The following MICAL2 variants were observed in gnomAD, a reference collection of about 807,000 sequenced individuals.
MICAL2 encodes the protein microtubule associated monooxygenase, calponin and LIM domain containing 2.
MICAL2 carries 77 observed loss-of-function variants against 127.3 expected under a neutral mutation model. The observed-to-expected ratio is 0.60, with a 90% confidence interval of 0.50 to 0.73. The LOEUF (loss-of-function observed/expected upper bound fraction) is 0.73. Ranked by LOEUF, MICAL2 falls within the 30% of genes least tolerant of loss-of-function variation. The pLI, the probability that MICAL2 is intolerant of heterozygous loss-of-function variation, is 0.00. For synonymous variants in MICAL2, 570 were observed against 551.1 expected (o/e 1.03, Z -0.48); for missense variants, 1,351 against 1,434.4 (o/e 0.94, Z 0.94).
chr11:12,311,938 ATTTC>A (rs375195056), intron 29 of MICAL2, among the ~76,000 whole-genome samples: 2 of 151,890 alleles, frequency 1.3e-5, no homozygotes, highest in African/African-American at 4.8e-5. Context: ...CACATTTTCT[ATTTC>A]TTCTTGTGTT....
chr11:12,209,195 G>T (rs1195514957), intron 5 of MICAL2, among the ~76,000 whole-genome samples: 1 of 152,226 alleles, frequency 6.6e-6, no homozygotes, highest in African/African-American at 2.4e-5. Context: ...TGTTGAGAAT[G>T]ATAAGATGCA....
intron 13 of MICAL2, among the ~76,000 whole-genome samples, chr11:12,225,083 C>G (rs187477247): frequency 2.6e-4 from 38 of 144,240 alleles, no homozygotes; most frequent in Non-Finnish European, 4.3e-4. Flanking sequence ...CCTTCCCCCC[C>G]GAGCCCCATC....
At chr11:12,347,438 T>TC (rs956519110) in intron 32 of MICAL2, among the ~76,000 whole-genome samples, 1 of 152,204 alleles carries the variant, frequency 6.6e-6, no homozygotes, top group Non-Finnish European at 1.5e-5. Context: ...TCACTGTATC[T>TC]CCAGTACCTA....
At chr11:12,204,569 AC>A in intron 4 of MICAL2, 112 bp downstream of exon 4, 1 of 1,039,714 alleles carries the variant, frequency 9.6e-7, no homozygotes, top group Non-Finnish European at 1.4e-6. Context: ...CCCTGGGGGC[AC>A]CATATATCAG....
rs35521222 is a variant in MICAL2, at chr11:12,195,705, CTTT to C, written c.265-8532_265-8530del. 3.7e-3 allele frequency among the ~76,000 whole-genome samples: 538 copies of C among 144,596 alleles called. 3 individuals are homozygous for C. Among genetic ancestry groups the C allele is most frequent in the African/African-American group, 4.3e-3 (172 of 39,856 alleles). 94.9% of individuals were successfully genotyped at this position (144,596 alleles called of 152,430 possible). On this transcript the variant is annotated intron_variant, in intron 3 of 27. Coordinates refer to ENST00000683283, the MANE Select transcript of MICAL2 (RefSeq NM_001282663.2). ...CCCGTGTATTTTCTGCAATAGATTT[CTTT>C]TTTTTTTTTTTTGTATTAGAAAATA...
At chr11:12,247,939 T>C (rs1248646061) in intron 21 of MICAL2, among the ~76,000 whole-genome samples, 1 of 152,184 alleles carries the variant, frequency 6.6e-6, no homozygotes, top group African/African-American at 2.4e-5. Context: ...AAAAATGCAC[T>C]TGGAAACTGA....
At chr11:12,302,244 G>A (rs1864055750) in intron 29 of MICAL2, among the ~76,000 whole-genome samples, 1 of 152,190 alleles carries the variant, frequency 6.6e-6, no homozygotes, top group Admixed American at 6.5e-5. Context: ...GCCTGGCTCG[G>A]GTTTGGTTAA....
intron 6 of MICAL2, among the ~76,000 whole-genome samples, chr11:12,212,463 C>T (rs1019913624): frequency 1.9e-4 from 29 of 152,126 alleles, no homozygotes; most frequent in African/African-American, 6.8e-4. Flanking sequence ...GGCAACAGAG[C>T]GAGACCCTGT....
At chr11:12,241,774 G>T (rs549796805) in intron 18 of MICAL2, among the ~76,000 whole-genome samples, 1 of 152,340 alleles carries the variant, frequency 6.6e-6, no homozygotes, top group Admixed American at 6.5e-5. Context: ...AGGTGGTGGA[G>T]GTTGAGTAAG....
At chr11:12,251,560 G>A (rs773742838) in intron 22 of MICAL2, among the ~76,000 whole-genome samples, 2 of 143,496 alleles carry the variant, frequency 1.4e-5, no homozygotes, top group African/African-American at 2.6e-5. Flanking sequence ...TTCCTTAAGG[G>A]TGCTTCCATT....
chr11:12,254,500 G>C (rs1398131858), intron 22 of MICAL2: 1 of 152,444 alleles, frequency 6.6e-6, no homozygotes, highest in African/African-American at 2.4e-5. Context: ...CTACCTTTCT[G>C]TCTGAGGGGG....
At chr11:12,269,111 C>G (rs1187376698) in intron 24 of MICAL2, among the ~76,000 whole-genome samples, 2 of 152,224 alleles carry the variant, frequency 1.3e-5, no homozygotes, top group Non-Finnish European at 2.9e-5. Flanking sequence ...CTGGCTGTGA[C>G]TCCCTTGGGG....
chr11:12,190,802 A>G (rs1858993770), intron 3 of MICAL2, among the ~76,000 whole-genome samples: 1 of 152,216 alleles, frequency 6.6e-6, no homozygotes, highest in Admixed American at 6.5e-5. Context: ...TTTACCAGAT[A>G]AACATCTTTA....
chr11:12,266,074 T>A (rs959236853), downstream of MICAL2, among the ~76,000 whole-genome samples: 18 of 152,304 alleles, frequency 1.2e-4, no homozygotes, highest in South Asian at 2.1e-3. Flanking sequence ...ATCATGCCAC[T>A]GCACTCCAGC....
At chr11:12,216,130 C>A in intron 7 of MICAL2, 89 bp from the exon 8 acceptor site, 1 of 942,172 alleles carries the variant, frequency 1.1e-6, no homozygotes, top group Non-Finnish European at 1.7e-6. Context: ...AGATAAATAA[C>A]AAGACCAATA....
Position 12,230,713 on chromosome 11 carries a change from T to TC in MICAL2, c.1995+3582_1995+3583insC, listed in dbSNP as rs201672427. The stretch of plus-strand genomic sequence containing the variant: ...TTCACTGACGATGTTAAATTCTTCT[T>TC]TCCCCCCCCATCTTATTTTCCTGAT... On this transcript the variant is annotated intron_variant, in intron 15 of 27. Coordinates refer to ENST00000683283, the MANE Select transcript of MICAL2 (RefSeq NM_001282663.2). Among the ~76,000 whole-genome samples the TC allele has an allele frequency of 7.6e-4, 95 of 124,630 alleles. 1 individual carries two copies. The highest frequency in any genetic ancestry group is 2.2e-3 in the African/African-American group (66 of 30,608). 81.8% of individuals were successfully genotyped at this position (124,630 alleles called of 152,430 possible). A position where few individuals can be genotyped will look rare whatever the true frequency, so the allele number is the denominator to read the frequency against.
At chr11:12,330,786 G>GGAGAGAGAGAGAGAGAGAGAGAGA (rs59477152) in intron 32 of MICAL2, among the ~76,000 whole-genome samples, 1 of 98,526 alleles carries the variant, frequency 1.0e-5, no homozygotes, top group African/African-American at 3.0e-5. Flanking sequence ...TGCAGGACGT[G>GGAGAGAGAGAGAGAGAGAGAGAGA]GAGAGAGAGA....
At chr11:12,117,238 A>G (rs2133441199) in intron 1 of MICAL2, among the ~76,000 whole-genome samples, 1 of 152,082 alleles carries the variant, frequency 6.6e-6, no homozygotes, top group South Asian at 2.1e-4. Flanking sequence ...TTCTGCTGGC[A>G]GCAAGAGGAG....
chr11:12,234,731 G>A (rs1346877243), intron 15 of MICAL2, among the ~76,000 whole-genome samples: 2 of 152,210 alleles, frequency 1.3e-5, no homozygotes, highest in Non-Finnish European at 2.9e-5. Context: ...TGATGAAGAG[G>A]ACAAGAGATG....
Sources: gnomAD v4.1 joint callset for allele counts (sites outside exome capture counted in the v4.1 genomes callset) on GRCh38, gnomAD v4.1.1 for gene constraint, MANE v1.5 for transcripts, NCBI Gene and HGNC (gene_info 2026-07-23, HGNC 2026-07-21) for gene names.